Variants in LTBP1 observed in about 807,000 individuals in gnomAD.
LTBP1 encodes the protein latent transforming growth factor beta binding protein 1, also known as latent-transforming growth factor beta-binding protein 1.
A neutral mutation model predicts 207.6 loss-of-function variants in LTBP1; 129 were observed. That is an observed-to-expected ratio of 0.62 (90% CI 0.54 to 0.72). The LOEUF (loss-of-function observed/expected upper bound fraction) is 0.72, where lower values mean the gene tolerates loss of function less well. Among genes scored for constraint, LTBP1 ranks in the 30% least tolerant of loss-of-function variants. The pLI, the probability that LTBP1 is intolerant of heterozygous loss-of-function variation, is 0.00. For synonymous variants in LTBP1, 963 were observed against 833.7 expected, an observed-to-expected ratio of 1.16 and a Z score of -2.67; for missense variants, 2,281 against 2,217.2, an observed-to-expected ratio of 1.03 and a Z score of -0.58.
Position 32,949,040 on chromosome 2 carries a change from C to T in LTBP1, c.565+95C>T, listed in dbSNP as rs549357995. ...CTCACAAGGGCCACTTGAAAGGGCT[C>T]GGGGGAAGTTGAAGTCTGAAATACA... On this transcript the variant is annotated intron_variant, in intron 2 of 33. Transcript: ENST00000404816. 439 of 1,215,408 alleles carry T rather than the reference C, an allele frequency of 3.6e-4. 1 individual carries two copies. In the African/African-American group the frequency reaches 6.2e-3, roughly 17 times the overall value. The allele number at this position is 1,215,408 out of a possible 1,614,324, so 75.3% of individuals were successfully genotyped here.
chr2:33,293,292 G>C lies in LTBP1; in HGVS notation c.3235+10G>C. ...CACAAGCACTGTAGAGGTAAATACT[G>C]TGATCAAGTTTCCCATTTTTATTTA... is the stretch of plus-strand genomic sequence containing the variant. On this transcript the variant is annotated intron_variant, in intron 20 of 33. Transcript: ENST00000404816. The C allele has an allele frequency of 1.9e-6, 3 of 1,579,704 alleles. No individual in the cohort carries two copies. The African/African-American group carries it at 4.1e-5, about 22-fold the overall frequency.
chr2:32,975,457 A>G (rs984204453), intron 2 of LTBP1, among the ~76,000 whole-genome samples: 1 of 151,956 alleles, frequency 6.6e-6, no homozygotes, highest in Non-Finnish European at 1.5e-5. Context: ...TGTGAAGTGA[A>G]TGATATCCTT....
intron 3 of LTBP1, among the ~76,000 whole-genome samples, chr2:33,028,096 G>A (rs1353246178): frequency 6.6e-6 from 1 of 152,124 alleles, no homozygotes; most frequent in Non-Finnish European, 1.5e-5. Context: ...GACTGAGTTC[G>A]GAAGAAGAGT....
Position 33,188,647 on chromosome 2 carries a change from G to A in LTBP1, c.1497G>A (p.Gln499=), listed in dbSNP as rs2087482537. The A allele has an allele frequency of 6.2e-7, 1 of 1,614,086 alleles. No homozygotes were observed. The highest frequency in any genetic ancestry group is 8.5e-7 in the Non-Finnish European group (1 of 1,179,998). The change falls in exon 7 of 34, where the codon CAG becomes CAA. Residue 499 remains glutamine, a synonymous_variant. Coordinates refer to ENST00000404816, the MANE Select transcript of LTBP1 (RefSeq NM_206943.4). The stretch of plus-strand genomic sequence containing the variant: ...CTGAAGCTTCCGTCCAGATACATCA[G>A]GTTTCAAGAATTGATGGCCCAACAG... The part of the protein sequence containing the change: ...HPPEASVQIH[Q]VSRIDGPTGQ...
intron 19 of LTBP1, among the ~76,000 whole-genome samples, chr2:33,290,883 T>C (rs1293004553): frequency 6.6e-6 from 1 of 152,194 alleles, no homozygotes; most frequent in Non-Finnish European, 1.5e-5. Flanking sequence ...TTCTACAGTT[T>C]AGGAGAGAAA....
In LTBP1 at chr2:33,293,241, A is replaced by C. The variant is rs148046561; in HGVS notation, c.3194A>C (p.His1065Pro). 32 of 1,613,984 alleles carry C rather than the reference A, an allele frequency of 2.0e-5. No individual in the cohort carries two copies. In the African/African-American group the frequency reaches 4.1e-4, roughly 21 times the overall value. ...NLEGSYMCSC[H>P]KGYTRTPDHK... ...GAAGGCTCCTACATGTGTTCATGCC[A>C]CAAAGGCTATACCCGGACTCCGGAC... The change falls in exon 20 of 34, where the codon CAC becomes CCC. Residue 1065 changes from histidine to proline, a missense_variant. This residue lies in a region of LTBP1 where 1,671 missense variants were observed against 1,634.8 expected (regional missense o/e 1.02). Transcript: ENST00000404816.
intron 5 of LTBP1, among the ~76,000 whole-genome samples, chr2:33,172,850 T>C (rs1400964943): frequency 6.6e-6 from 1 of 151,954 alleles, no homozygotes; most frequent in Admixed American, 6.6e-5. Flanking sequence ...ATTAAGAAAC[T>C]CACTCAAAAC....
At chr2:33,342,720 T>C (rs1163838474) in intron 24 of LTBP1, 118 bp from the exon 25 acceptor site, 1 of 889,388 alleles carries the variant, frequency 1.1e-6, no homozygotes, top group Non-Finnish European at 1.7e-6. Flanking sequence ...TGTAAACATG[T>C]TCATCTCATC....
intron 2 of LTBP1, among the ~76,000 whole-genome samples, chr2:32,988,970 T>C (rs935430469): frequency 6.6e-6 from 1 of 152,246 alleles, no homozygotes; most frequent in African/African-American, 2.4e-5. Flanking sequence ...AATTTAATAT[T>C]TTTGTGCCAC....
At chr2:33,378,221 GTTT>G (rs1553314618) in intron 31 of LTBP1, among the ~76,000 whole-genome samples, 31 of 140,230 alleles carry the variant, frequency 2.2e-4, no homozygotes, top group Admixed American at 4.3e-4. Flanking sequence ...GTGTGTGTGT[GTTT>G]TGTTTGTTTG....
chr2:33,175,352 C>T (rs990405593), intron 5 of LTBP1, among the ~76,000 whole-genome samples: 7 of 151,974 alleles, frequency 4.6e-5, no homozygotes, highest in Non-Finnish European at 8.8e-5. Context: ...AGGATATGAA[C>T]AGACACTTCT....
In LTBP1 at chr2:33,200,556, A is replaced by T. The variant is rs377137939; in HGVS notation, c.1701+11705A>T. Among the ~76,000 whole-genome samples the T allele has an allele frequency of 3.0e-4, 46 of 152,350 alleles. No homozygotes were observed. The East Asian group carries it at 7.7e-3, about 26-fold the overall frequency. On this transcript the variant is annotated intron_variant, in intron 7 of 33. Coordinates refer to ENST00000404816, the MANE Select transcript of LTBP1 (RefSeq NM_206943.4). ...AAACCTAGGCATTACCATTCAGGAC[A>T]TAGGCTTGGGCAAGGACTTCCTGTC...
chr2:33,338,001 C>A (rs532142478), intron 24 of LTBP1, among the ~76,000 whole-genome samples: 1 of 152,268 alleles, frequency 6.6e-6, no homozygotes, highest in South Asian at 2.1e-4. Context: ...CTCACATCAT[C>A]AAAGAAAATT....
chr2:33,199,563 A>G (rs1197731392), intron 7 of LTBP1, among the ~76,000 whole-genome samples: 1 of 152,194 alleles, frequency 6.6e-6, no homozygotes, highest in Non-Finnish European at 1.5e-5. Context: ...GAAAACTGGC[A>G]CAAGACAGGG....
intron 22 of LTBP1, among the ~76,000 whole-genome samples, chr2:33,304,476 C>G (rs1386518378): frequency 6.6e-6 from 1 of 152,046 alleles, no homozygotes; most frequent in Non-Finnish European, 1.5e-5. Flanking sequence ...TTCTTATTGT[C>G]CTGTCATCCT....
At chr2:33,360,822 A>C (rs368876736) in intron 27 of LTBP1, 43 bp downstream of exon 27, 38 of 1,574,280 alleles carry the variant, frequency 2.4e-5, no homozygotes, top group East Asian at 2.0e-4. Context: ...GTGTTTGGTC[A>C]CATGGTGTCC....
chr2:33,077,780 C>G (rs1208523994), intron 3 of LTBP1, among the ~76,000 whole-genome samples: 2 of 152,142 alleles, frequency 1.3e-5, no homozygotes, highest in African/African-American at 4.8e-5. Context: ...AACTCTCAAA[C>G]ATTATATTGT....
At chr2:33,319,984 G>T (rs773879637) in intron 24 of LTBP1, among the ~76,000 whole-genome samples, 1 of 152,196 alleles carries the variant, frequency 6.6e-6, no homozygotes, top group Non-Finnish European at 1.5e-5. Context: ...GCCATCCACT[G>T]TTCTAGGTAC....
chr2:33,251,716 G>T (rs2092691996), intron 10 of LTBP1, among the ~76,000 whole-genome samples: 1 of 150,868 alleles, frequency 6.6e-6, no homozygotes, highest in Non-Finnish European at 1.5e-5. Flanking sequence ...TAAGGGAAAG[G>T]CAAGTCAGAA....
Sources: gnomAD v4.1 joint callset for allele counts (sites outside exome capture counted in the v4.1 genomes callset) on GRCh38, gnomAD v4.1.1 for gene constraint, gnomAD v4.1.1 regional missense constraint, MANE v1.5 for transcripts, NCBI Gene and HGNC (gene_info 2026-07-23, HGNC 2026-07-21) for gene names.